KCNK5: variants seen among roughly 807,000 people sequenced by gnomAD.
The protein encoded by KCNK5 is potassium two pore domain channel subfamily K member 5.
KCNK5 carries 18 observed loss-of-function variants against 32.9 expected under a neutral mutation model. The ratio of observed to expected loss-of-function variants is 0.55; its 90% confidence interval spans 0.38 to 0.81. The LOEUF is 0.81. Ranked by LOEUF, KCNK5 falls within the 30% of genes least tolerant of loss-of-function variation. The pLI is 0.00. For missense variants in KCNK5, 507 were observed against 651.0 expected, an observed-to-expected ratio of 0.78 and a Z score of 2.41; for synonymous variants, 276 against 275.3, an observed-to-expected ratio of 1.00 and a Z score of -0.03.
In KCNK5 at chr6:39,216,703, T is replaced by C. The variant is rs138381763; in HGVS notation, c.186+12223A>G. ...ACTTATCATTGTTGGGAAGTCGACA[T>C]GATGTAGGCCACGGCAGCTCCCGTT... On this transcript the variant is annotated intron_variant, in intron 1 of 4. Coordinates refer to ENST00000359534, the MANE Select transcript of KCNK5 (RefSeq NM_003740.4). 9.6e-3 allele frequency among the ~76,000 whole-genome samples: 1,456 copies of C among 152,302 alleles called. 21 individuals are homozygous for C. The highest frequency in any genetic ancestry group is 0.013 in the Non-Finnish European group (852 of 68,030).
At chr6:39,205,052 G>A (rs1045346233) in intron 1 of KCNK5, among the ~76,000 whole-genome samples, 2 of 152,248 alleles carry the variant, frequency 1.3e-5, no homozygotes, top group African/African-American at 4.8e-5. Context: ...CCCCAGGGCA[G>A]GGGGGCAGCT....
chr6:39,212,079 A>G (rs550578614), intron 1 of KCNK5, among the ~76,000 whole-genome samples: 1 of 152,200 alleles, frequency 6.6e-6, no homozygotes, highest in Non-Finnish European at 1.5e-5. Context: ...CTTGGAAGTC[A>G]GGAGTTCAAG....
chr6:39,189,906 A>T lies in KCNK5; in HGVS notation c.*984T>A. The T allele has an allele frequency of 6.6e-6, 1 of 152,648 alleles. No homozygotes were observed. The highest frequency in any genetic ancestry group is 1.5e-5 in the Non-Finnish European group (1 of 68,144). The allele number at this position is 152,648 out of a possible 1,614,324, so 9.5% of individuals were successfully genotyped here. ...GCCCAAGGGGGCTGGTGGGAGGGGA[A>T]GGCGGGCAGTGAGGTCCTTGTTCAG... On this transcript the variant is annotated 3_prime_UTR_variant, in exon 5 of 5. Transcript: ENST00000359534.
At chr6:39,209,920 T>C (rs1771300541) in intron 1 of KCNK5, among the ~76,000 whole-genome samples, 1 of 151,942 alleles carries the variant, frequency 6.6e-6, no homozygotes, top group South Asian at 2.1e-4. Context: ...CTCAAGGTTA[T>C]GGATCAAAAG....
At chr6:39,226,709 G>A (rs1037654517) in intron 1 of KCNK5, among the ~76,000 whole-genome samples, 13 of 152,184 alleles carry the variant, frequency 8.5e-5, no homozygotes, top group Admixed American at 6.5e-4. Flanking sequence ...AGTACCCCAA[G>A]TCACAAGAAA....
chr6:39,190,879 C>T lies in KCNK5; in HGVS notation c.*11G>A, dbSNP rs767790920. The T allele has an allele frequency of 1.4e-6, 2 of 1,459,170 alleles. No individual in the cohort carries two copies. The highest frequency in any genetic ancestry group is 1.8e-6 in the Non-Finnish European group (2 of 1,103,958). The allele number at this position is 1,459,170 out of a possible 1,614,324, so 90.4% of individuals were successfully genotyped here. The stretch of plus-strand genomic sequence containing the variant: ...AGGCCATCAAAGGTGGGGTGGGGAG[C>T]CGGCCCTGCCTCATGTGCCCTTGGG... On this transcript the variant is annotated 3_prime_UTR_variant, in exon 5 of 5. Coordinates refer to ENST00000359534, the MANE Select transcript of KCNK5 (RefSeq NM_003740.4).
In KCNK5 at chr6:39,190,777, C is replaced by T; in HGVS notation, c.*113G>A. The T allele has an allele frequency of 1.8e-6, 2 of 1,125,584 alleles. No homozygotes were observed. Among genetic ancestry groups the T allele is most frequent in the South Asian group, 4.2e-5 (2 of 47,928 alleles). 69.7% of individuals were successfully genotyped at this position (1,125,584 alleles called of 1,614,324 possible). On this transcript the variant is annotated 3_prime_UTR_variant, in exon 5 of 5. Coordinates refer to ENST00000359534, the MANE Select transcript of KCNK5 (RefSeq NM_003740.4). ...TTAGGAAGGCCCCTGGCCCCCCACT[C>T]CCAGTTCCGAGGCTGCCCCCCCACC...
At position 39,190,798 on chromosome 6, in the gene KCNK5, C is replaced by T. The variant is rs943931192; in HGVS notation, c.*92G>A. On this transcript the variant is annotated 3_prime_UTR_variant, in exon 5 of 5. Transcript: ENST00000359534. ...CACTCCCAGTTCCGAGGCTGCCCCC[C>T]CACCAGGGGCCAGGCGTCCCGGTCA... is the stretch of plus-strand genomic sequence containing the variant. 8.4e-6 allele frequency: 11 copies of T among 1,306,578 alleles called. No homozygotes were observed. Among genetic ancestry groups the T allele is most frequent in the Admixed American group, 6.5e-5 (2 of 30,968 alleles). 80.9% of individuals were successfully genotyped at this position (1,306,578 alleles called of 1,614,324 possible).
At chr6:39,222,801 T>C (rs1186672533) in intron 1 of KCNK5, among the ~76,000 whole-genome samples, 1 of 152,220 alleles carries the variant, frequency 6.6e-6, no homozygotes, top group Admixed American at 6.5e-5. Context: ...AGAAATACTA[T>C]ATGACTCCAC....
At chr6:39,209,116 A>G (rs1771281610) in intron 1 of KCNK5, among the ~76,000 whole-genome samples, 1 of 152,088 alleles carries the variant, frequency 6.6e-6, no homozygotes, top group South Asian at 2.1e-4. Context: ...AGGAGTATTT[A>G]GGAGTATTAC....
intron 1 of KCNK5, among the ~76,000 whole-genome samples, chr6:39,212,860 C>G (rs1737151811): frequency 6.6e-6 from 1 of 152,206 alleles, no homozygotes; most frequent in African/African-American, 2.4e-5. Context: ...AGCACTGCTG[C>G]CAAGGAAGCT....
intron 1 of KCNK5, among the ~76,000 whole-genome samples, chr6:39,224,380 C>T (rs1339714480): frequency 6.6e-6 from 1 of 152,184 alleles, no homozygotes; most frequent in Non-Finnish European, 1.5e-5. Flanking sequence ...TATTAACCCT[C>T]AACTTTCCAA....
chr6:39,214,668 C>T (rs1458015891), intron 1 of KCNK5, among the ~76,000 whole-genome samples: 3 of 152,092 alleles, frequency 2.0e-5, no homozygotes, highest in Non-Finnish European at 4.4e-5. Flanking sequence ...GGAGGGAGGG[C>T]AGAGAAGGGT....
intron 1 of KCNK5, among the ~76,000 whole-genome samples, chr6:39,218,174 G>A (rs112128071): frequency 0.047 from 7,065 of 150,626 alleles, 438 homozygotes; most frequent in African/African-American, 0.14. Flanking sequence ...AGGTTCAAGC[G>A]ATTCTCCTGC....
intron 1 of KCNK5, among the ~76,000 whole-genome samples, chr6:39,200,335 C>T (rs1483783527): frequency 6.6e-6 from 1 of 152,208 alleles, no homozygotes. Flanking sequence ...TCCCTGTCTC[C>T]ATCACCGTCA....
chr6:39,198,450 C>A (rs542553971), intron 1 of KCNK5, among the ~76,000 whole-genome samples: 1 of 152,276 alleles, frequency 6.6e-6, no homozygotes, highest in East Asian at 1.9e-4. Flanking sequence ...TAACACATAG[C>A]AATGGCAGTA....
chr6:39,216,186 G>GA (rs1408047574), intron 1 of KCNK5, among the ~76,000 whole-genome samples: 3 of 152,216 alleles, frequency 2.0e-5, no homozygotes, highest in Admixed American at 1.3e-4. Flanking sequence ...TCAGGAGGCT[G>GA]AAACTGGAGA....
At chr6:39,223,639 C>T (rs985772006) in intron 1 of KCNK5, among the ~76,000 whole-genome samples, 10 of 152,166 alleles carry the variant, frequency 6.6e-5, no homozygotes, top group African/African-American at 2.2e-4. Flanking sequence ...CTTGGAGGCT[C>T]CACTCAGGGG....
rs1770945390 is a variant in KCNK5 at position 39,191,865 on chromosome 6, G to C, written c.635-110C>G. ...GGGGTCAGGCCAGAGCACAGGACGGGGGTGCAGTGGGATAGAAAGGGGCCT... is the reference window on the plus strand; with the variant it reads ...GGGGTCAGGCCAGAGCACAGGACGGCGGTGCAGTGGGATAGAAAGGGGCCT... On this transcript the variant is annotated intron_variant, in intron 4 of 4. Coordinates refer to ENST00000359534, the MANE Select transcript of KCNK5 (RefSeq NM_003740.4). This position sits in a 1 kb window ranked among gnomAD's most constrained non-coding sequence, Gnocchi z 5.8. The C allele has an allele frequency of 4.3e-6, 5 of 1,166,660 alleles. No homozygotes were observed. In the South Asian group the frequency reaches 7.4e-5, roughly 17 times the overall value. 72.3% of individuals were successfully genotyped at this position (1,166,660 alleles called of 1,614,324 possible).
Sources: allele counts gnomAD v4.1 joint callset (sites outside exome capture counted in the v4.1 genomes callset), GRCh38; gene constraint gnomAD v4.1.1; non-coding constraint Gnocchi (gnomAD v3.1); transcripts MANE v1.5; gene names NCBI Gene and HGNC (gene_info 2026-07-23, HGNC 2026-07-21).